Variants in ARHGAP6 observed in about 807,000 individuals in gnomAD.
The protein encoded by ARHGAP6 is rho GTPase-activating protein 6.
A neutral mutation model predicts 55.7 loss-of-function variants in ARHGAP6; 16 were observed. That is an observed-to-expected ratio of 0.29 (90% CI 0.19 to 0.44). ARHGAP6 has a LOEUF of 0.44. ARHGAP6 is among the 20% of genes least tolerant of loss of function. The pLI is 1.00. For missense variants in ARHGAP6, 698 were observed against 808.9 expected, an observed-to-expected ratio of 0.86 and a Z score of 1.66; for synonymous variants, 382 against 360.9, an observed-to-expected ratio of 1.06 and a Z score of -0.66.
chrX:11,440,055 C>T lies in ARHGAP6; in HGVS notation c.589-185348G>A, dbSNP rs1051392470. 2.7e-5 allele frequency among the ~76,000 whole-genome samples: 3 copies of T among 112,368 alleles called. No homozygotes were observed. In the Admixed American group the frequency reaches 2.8e-4, roughly 11 times the overall value. On this transcript the variant is annotated intron_variant, in intron 1 of 12. Transcript: ENST00000337414. ...CTCCAAAGTTGAATGGGGCTTGCACCCATCTGTCCTGGATTCAATTACACC... is the reference window on the plus strand; with the variant it reads ...CTCCAAAGTTGAATGGGGCTTGCACTCATCTGTCCTGGATTCAATTACACC...
intron 3 of ARHGAP6, among the ~76,000 whole-genome samples, chrX:11,195,273 A>T (rs1486968353): frequency 1.8e-5 from 2 of 109,022 alleles, no homozygotes; most frequent in Admixed American, 9.8e-5. Flanking sequence ...AATTGCTTGA[A>T]CCTGGGAGGC....
chrX:11,235,747 AAG>A (rs1464157801), intron 2 of ARHGAP6, among the ~76,000 whole-genome samples: 1 of 111,559 alleles, frequency 9.0e-6, no homozygotes, highest in Non-Finnish European at 1.9e-5. Flanking sequence ...AAAGCACAGC[AAG>A]AGTCAACTTT....
chrX:11,380,384 C>T (rs1452111850), intron 1 of ARHGAP6, among the ~76,000 whole-genome samples: 1 of 111,905 alleles, frequency 8.9e-6, no homozygotes, highest in Non-Finnish European at 1.9e-5. Context: ...CACATTTGTT[C>T]CTAGTGTACG....
chrX:11,288,166 A>G (rs1742381236), intron 1 of ARHGAP6, among the ~76,000 whole-genome samples: 1 of 112,415 alleles, frequency 8.9e-6, no homozygotes, highest in African/African-American at 3.2e-5. Flanking sequence ...CATTGTTCAT[A>G]GTTGCTTTCT....
intron 1 of ARHGAP6, among the ~76,000 whole-genome samples, chrX:11,563,348 T>G (rs866700595): frequency 1.8e-5 from 2 of 109,623 alleles, no homozygotes; most frequent in Non-Finnish European, 3.8e-5. Context: ...TTAATAATAA[T>G]AAGTTCAAAT....
intron 2 of ARHGAP6, among the ~76,000 whole-genome samples, chrX:11,250,129 A>G (rs777160613): frequency 8.9e-6 from 1 of 111,953 alleles, no homozygotes; most frequent in Non-Finnish European, 1.9e-5. Flanking sequence ...TAATAAATGG[A>G]CAGGGTTAAT....
intron 1 of ARHGAP6, among the ~76,000 whole-genome samples, chrX:11,345,201 G>A (rs772761860): frequency 3.6e-5 from 4 of 111,561 alleles, no homozygotes; most frequent in South Asian, 3.8e-4. Flanking sequence ...GGATCAAATC[G>A]TTCATACTAT....
At chrX:11,360,575 C>A (rs1462534485) in intron 1 of ARHGAP6, among the ~76,000 whole-genome samples, 1 of 108,519 alleles carries the variant, frequency 9.2e-6, no homozygotes, top group Non-Finnish European at 1.9e-5. Context: ...AAACTGGAAG[C>A]ATTCCCTTTG....
chrX:11,342,252 G>T (rs933281215), intron 1 of ARHGAP6, among the ~76,000 whole-genome samples: 2 of 111,549 alleles, frequency 1.8e-5, no homozygotes, highest in Non-Finnish European at 3.8e-5. Flanking sequence ...TTATGGCACC[G>T]GATTATTTAG....
chrX:11,515,297 T>G (rs1784284892), intron 1 of ARHGAP6, among the ~76,000 whole-genome samples: 1 of 112,431 alleles, frequency 8.9e-6, no homozygotes, highest in Non-Finnish European at 1.9e-5. Flanking sequence ...AAGGTACACA[T>G]AAGTTTGTGA....
At chrX:11,363,629 T>G (rs185652918) in intron 1 of ARHGAP6, among the ~76,000 whole-genome samples, 357 of 112,153 alleles carry the variant, frequency 3.2e-3, no homozygotes, top group South Asian at 8.2e-3. Flanking sequence ...CAGCTAGGTG[T>G]CATCTCCCAG....
Position 11,664,765 on chromosome X carries a change from C to T in ARHGAP6, c.64G>A (p.Ala22Thr). Residue 22 changes from alanine (A) to threonine (T), a missense_variant, in exon 1 of 13, where the codon GCC becomes ACC. By Grantham distance (58) the Ala-to-Thr change is moderately conservative. Transcript: ENST00000337414. ...CTCTTGGAGAAGCCCTTGGCCGAGG[C>T]CGCGCTACTTGAAGCGGGCGAGGAA... Reference protein sequence around the residue: ...SCSSPASSSAASAKGFSKRKL... With the variant: ...SCSSPASSSATSAKGFSKRKL... 1 of 1,202,546 alleles carries T rather than the reference C, an allele frequency of 8.3e-7. No individual in the cohort carries two copies.
intron 1 of ARHGAP6, among the ~76,000 whole-genome samples, chrX:11,454,409 G>A (rs1041119812): frequency 9.0e-6 from 1 of 111,687 alleles, no homozygotes; most frequent in Non-Finnish European, 1.9e-5. Flanking sequence ...AAAGAGAAAG[G>A]ACACCTAATT....
At chrX:11,493,136 A>G (rs1007780174) in intron 1 of ARHGAP6, among the ~76,000 whole-genome samples, 1 of 112,277 alleles carries the variant, frequency 8.9e-6, no homozygotes, top group African/African-American at 3.2e-5. Flanking sequence ...GAGGCCTTTT[A>G]TAGCAGCTTA....
chrX:11,559,245 T>C (rs1302928604), intron 1 of ARHGAP6, among the ~76,000 whole-genome samples: 1 of 110,315 alleles, frequency 9.1e-6, no homozygotes, highest in East Asian at 2.9e-4. Flanking sequence ...CCCATTTTTT[T>C]ACTGTCACTG....
At chrX:11,168,746 A>C (rs1160235523) in intron 9 of ARHGAP6, among the ~76,000 whole-genome samples, 6 of 112,362 alleles carry the variant, frequency 5.3e-5, no homozygotes, top group African/African-American at 1.9e-4. Flanking sequence ...ATGCAATATT[A>C]GTGGTGAACA....
chrX:11,364,444 A>C (rs1273006575), intron 1 of ARHGAP6, among the ~76,000 whole-genome samples: 3 of 110,723 alleles, frequency 2.7e-5, no homozygotes, highest in African/African-American at 9.9e-5. Context: ...TAGCAGCCTC[A>C]GTTAGTTGCC....
intron 1 of ARHGAP6, among the ~76,000 whole-genome samples, chrX:11,524,413 A>G (rs970229821): frequency 1.8e-5 from 2 of 112,183 alleles, no homozygotes; most frequent in South Asian, 3.7e-4. Context: ...CAATCATGCC[A>G]TCAGTTGATA....
chrX:11,204,465 G>T (rs1212554606), intron 2 of ARHGAP6, among the ~76,000 whole-genome samples: 1 of 111,925 alleles, frequency 8.9e-6, no homozygotes, highest in African/African-American at 3.2e-5. Flanking sequence ...GCACAGAGTA[G>T]ATGCTCAATA....
Sources: gnomAD v4.1 joint callset for allele counts (sites outside exome capture counted in the v4.1 genomes callset) on GRCh38, gnomAD v4.1.1 for gene constraint, MANE v1.5 for transcripts, NCBI Gene and HGNC (gene_info 2026-07-23, HGNC 2026-07-21) for gene names.